The following PREX2 variants were observed in gnomAD, a reference collection of about 807,000 sequenced individuals.
The protein encoded by PREX2 is phosphatidylinositol 3,4,5-trisphosphate-dependent Rac exchanger 2 protein.
Under a neutral mutation model 203.2 loss-of-function variants are expected in PREX2, and 107 were observed. The ratio of observed to expected loss-of-function variants is 0.53; its 90% confidence interval spans 0.45 to 0.62. PREX2 has a LOEUF of 0.62. Among genes scored for constraint, PREX2 ranks in the 20% least tolerant of loss-of-function variants. PREX2 has a pLI of 0.00. For synonymous variants in PREX2, 672 were observed against 663.6 expected, an observed-to-expected ratio of 1.01 and a Z score of -0.19; for missense variants, 1,777 against 1,955.9, an observed-to-expected ratio of 0.91 and a Z score of 1.72.
chr8:68,001,670 A>G (rs894429797), intron 1 of PREX2, among the ~76,000 whole-genome samples: 1 of 152,220 alleles, frequency 6.6e-6, no homozygotes, highest in Non-Finnish European at 1.5e-5. Context: ...CACTATTCAC[A>G]ATAGCAAAGA....
Position 67,980,610 on chromosome 8 carries a change from A to G in PREX2, c.141+28075A>G, listed in dbSNP as rs544850874. ...TACGGTTTGGCTGTGCCTCCACCCA[A>G]ATATCATCTTGAATTGTCATAATCC... On this transcript the variant is annotated intron_variant, in intron 1 of 39. Coordinates refer to ENST00000288368, the MANE Select transcript of PREX2 (RefSeq NM_024870.4). Among the ~76,000 whole-genome samples the G allele has an allele frequency of 9.2e-5, 14 of 152,248 alleles. No homozygotes were observed. In the East Asian group the frequency reaches 1.4e-3, roughly 15 times the overall value.
At chr8:68,115,153 G>C (rs1264147581) in intron 25 of PREX2, among the ~76,000 whole-genome samples, 1 of 150,312 alleles carries the variant, frequency 6.7e-6, no homozygotes, top group African/African-American at 2.5e-5. Context: ...TTAGCCTCCT[G>C]AGTAGTTGGG....
intron 34 of PREX2, among the ~76,000 whole-genome samples, chr8:68,156,285 G>A (rs1441445308): frequency 6.6e-6 from 1 of 152,050 alleles, no homozygotes; most frequent in African/African-American, 2.4e-5. Context: ...GGCTAGTTTT[G>A]AACTTCTGAC....
chr8:68,169,775 C>A (rs1022156905), intron 35 of PREX2, among the ~76,000 whole-genome samples: 1 of 152,150 alleles, frequency 6.6e-6, no homozygotes, highest in Admixed American at 6.5e-5. Context: ...GTGTTACTAA[C>A]CTTTGGTGTC....
At chr8:68,090,525 A>G (rs1324421743) in intron 19 of PREX2, 54 bp from the exon 20 acceptor site, 8 of 1,503,900 alleles carry the variant, frequency 5.3e-6, no homozygotes, top group Non-Finnish European at 6.4e-6. Flanking sequence ...TATCATACAA[A>G]TGAATCTTAT....
At chr8:68,041,770 C>G (rs999014698) in intron 7 of PREX2, among the ~76,000 whole-genome samples, 1 of 151,946 alleles carries the variant, frequency 6.6e-6, no homozygotes, top group Non-Finnish European at 1.5e-5. Flanking sequence ...TTAAAGGTCC[C>G]CATTTGAGAA....
chr8:68,123,766 A>G (rs781424151), intron 30 of PREX2, among the ~76,000 whole-genome samples: 7 of 151,646 alleles, frequency 4.6e-5, no homozygotes, highest in Non-Finnish European at 8.8e-5. Context: ...TGAATCAGTA[A>G]TAAATAGCCT....
chr8:68,204,541 C>T (rs1266762768), intron 37 of PREX2, among the ~76,000 whole-genome samples: 1 of 152,024 alleles, frequency 6.6e-6, no homozygotes, highest in Non-Finnish European at 1.5e-5. Context: ...AGTATTCAAT[C>T]AAGTTCTCTG....
chr8:68,190,649 T>C (rs1187966939), intron 35 of PREX2, among the ~76,000 whole-genome samples: 1 of 152,094 alleles, frequency 6.6e-6, no homozygotes, highest in African/African-American at 2.4e-5. Context: ...TTGGGTACAA[T>C]GGTCACTATT....
intron 23 of PREX2, among the ~76,000 whole-genome samples, chr8:68,101,751 G>T (rs1162605063): frequency 6.6e-6 from 1 of 152,114 alleles, no homozygotes; most frequent in Non-Finnish European, 1.5e-5. Context: ...GCAGATTCTG[G>T]GTGTCAAACT....
At chr8:68,130,114 C>CAA (rs71253064) in intron 31 of PREX2, among the ~76,000 whole-genome samples, 23,273 of 102,338 alleles carry the variant, frequency 0.23, 2,812 homozygotes, top group South Asian at 0.34. Context: ...CCTGCCTCTG[C>CAA]AAAAAAAAAA....
intron 23 of PREX2, 103 bp downstream of exon 23, chr8:68,099,946 C>T (rs751053519): frequency 1.4e-5 from 14 of 1,030,146 alleles, no homozygotes; most frequent in Admixed American, 5.1e-5. Context: ...TTGTTAGGTA[C>T]CATTTTACTG....
At position 68,140,000 on chromosome 8, in the gene PREX2, A is replaced by G. The variant is rs543820941; in HGVS notation, c.4087+1483A>G. On this transcript the variant is annotated intron_variant, in intron 33 of 39. Transcript: ENST00000288368. ...TGATATAACCTGATATGTTGTTTAA[A>G]GTTTTGCCTGAGGAACTGTAAGTTC... is the stretch of plus-strand genomic sequence containing the variant. 3.3e-5 allele frequency among the ~76,000 whole-genome samples: 5 copies of G among 152,310 alleles called. No homozygotes were observed. In the South Asian group the frequency reaches 1.0e-3, roughly 32 times the overall value.
At chr8:68,174,604 C>T (rs1811942974) in intron 35 of PREX2, among the ~76,000 whole-genome samples, 1 of 152,186 alleles carries the variant, frequency 6.6e-6, no homozygotes, top group African/African-American at 2.4e-5. Flanking sequence ...TCCTACTCCC[C>T]TATATCAGTC....
chr8:68,166,955 A>T (rs1811772845), intron 35 of PREX2, among the ~76,000 whole-genome samples: 1 of 152,186 alleles, frequency 6.6e-6, no homozygotes, highest in Non-Finnish European at 1.5e-5. Flanking sequence ...AATCAAAGTT[A>T]AAAATTTATT....
rs192027030 is a variant in PREX2 at position 68,155,026 on chromosome 8, T to C, written c.4232-2296T>C. ...TATTATCTTGTGGGAAAAGTCCTTC[T>C]AGGTGGGTTACATTCCACAGTCTTC... On this transcript the variant is annotated intron_variant, in intron 34 of 39. Transcript: ENST00000288368. 1.0e-3 allele frequency among the ~76,000 whole-genome samples: 158 copies of C among 152,274 alleles called. 1 individual carries two copies. Among genetic ancestry groups the C allele is most frequent in the African/African-American group, 3.7e-3 (152 of 41,552 alleles).
chr8:68,198,137 G>A (rs964396037), intron 37 of PREX2, among the ~76,000 whole-genome samples: 8 of 152,168 alleles, frequency 5.3e-5, no homozygotes, highest in Non-Finnish European at 1.0e-4. Flanking sequence ...CAGTGGAATA[G>A]ATAGTTGTGA....
intron 1 of PREX2, among the ~76,000 whole-genome samples, chr8:67,987,232 G>A (rs528997955): frequency 2.8e-5 from 4 of 145,272 alleles, no homozygotes; most frequent in East Asian, 2.0e-4. Context: ...TCAAGTCATT[G>A]TTTTCATTTT....
rs772129655 is a variant in PREX2 at position 68,231,319 on chromosome 8, C to T, written c.4776-14C>T. 6.3e-7 allele frequency: 1 copy of T among 1,575,352 alleles called. No homozygotes were observed. Among genetic ancestry groups the T allele is most frequent in the African/African-American group, 1.4e-5 (1 of 73,288 alleles). ...ACACTAAGTCACTGTCAAACTTTAC[C>T]ATGCCTTTTCTAGGCTGTACAAGCT... On this transcript the variant is annotated splice_polypyrimidine_tract_variant and intron_variant, in intron 39 of 39. Coordinates refer to ENST00000288368, the MANE Select transcript of PREX2 (RefSeq NM_024870.4).
Sources: allele counts gnomAD v4.1 joint callset (sites outside exome capture counted in the v4.1 genomes callset), GRCh38; gene constraint gnomAD v4.1.1; transcripts MANE v1.5; gene names NCBI Gene and HGNC (gene_info 2026-07-23, HGNC 2026-07-21).